Variants in ROBO1 observed in about 807,000 individuals in gnomAD.
ROBO1 encodes roundabout homolog 1.
A neutral mutation model predicts 195.9 loss-of-function variants in ROBO1; 149 were observed. That is an observed-to-expected ratio of 0.76 (90% confidence interval 0.67 to 0.87). ROBO1 has a LOEUF of 0.87. ROBO1 is among the 40% of genes least tolerant of loss of function. ROBO1 has a pLI of 0.00. For synonymous variants in ROBO1, 816 were observed against 733.2 expected (o/e 1.11, Z -1.82); for missense variants, 1,933 against 2,068.3 (o/e 0.93, Z 1.27).
intron 2 of ROBO1, among the ~76,000 whole-genome samples, chr3:79,329,141 A>T (rs2034333001): frequency 1.3e-5 from 2 of 152,182 alleles, no homozygotes; most frequent in Admixed American, 1.3e-4. Flanking sequence ...ATATTTTGTC[A>T]AAAGCTATTT....
At chr3:78,793,755 G>GTT in intron 4 of ROBO1, among the ~76,000 whole-genome samples, 2 of 146,924 alleles carry the variant, frequency 1.4e-5, no homozygotes, top group East Asian at 4.0e-4. Context: ...AAGATATTTA[G>GTT]TTTTTTTTTT....
chr3:78,863,913 G>C (rs1424736866), intron 4 of ROBO1, among the ~76,000 whole-genome samples: 1 of 152,140 alleles, frequency 6.6e-6, no homozygotes, highest in Non-Finnish European at 1.5e-5. Context: ...CACTGATTCA[G>C]CTGAGAATAA....
chr3:78,890,787 G>A (rs545698594), intron 4 of ROBO1, among the ~76,000 whole-genome samples: 3 of 152,078 alleles, frequency 2.0e-5, no homozygotes, highest in African/African-American at 7.2e-5. Context: ...TTAGAGCTAG[G>A]ATCTCACTAT....
chr3:79,717,583 C>T (rs1436176361), intron 1 of ROBO1, among the ~76,000 whole-genome samples: 4 of 151,960 alleles, frequency 2.6e-5, no homozygotes, highest in Admixed American at 1.3e-4. Context: ...ACATCATTTT[C>T]CCCAAATGTT....
chr3:79,673,756 C>A (rs930567417), intron 1 of ROBO1, among the ~76,000 whole-genome samples: 2 of 151,940 alleles, frequency 1.3e-5, no homozygotes, highest in Admixed American at 6.6e-5. Flanking sequence ...GTTAACATAT[C>A]CTCATTTCTC....
intron 3 of ROBO1, among the ~76,000 whole-genome samples, chr3:78,958,021 C>T (rs1372380063): frequency 3.3e-5 from 5 of 152,012 alleles, no homozygotes; most frequent in East Asian, 1.9e-4. Context: ...TGACATAGAC[C>T]GAGATGCAGC....
chr3:78,673,582 A>ATATATT (rs1708214570), intron 10 of ROBO1, among the ~76,000 whole-genome samples: 1 of 64,128 alleles, frequency 1.6e-5, no homozygotes, highest in African/African-American at 4.7e-5. Context: ...ATATATATAT[A>ATATATT]TATATATATA....
chr3:79,525,251 A>G (rs1941378428), intron 2 of ROBO1, among the ~76,000 whole-genome samples: 1 of 150,576 alleles, frequency 6.6e-6, no homozygotes, highest in Admixed American at 6.6e-5. Context: ...ATTACACTAT[A>G]TGTATAATGT....
intron 2 of ROBO1, among the ~76,000 whole-genome samples, chr3:79,263,596 T>C (rs536283230): frequency 2.0e-5 from 3 of 152,132 alleles, no homozygotes; most frequent in African/African-American, 7.2e-5. Flanking sequence ...GTGAGCTGAT[T>C]ATGCAACTGC....
intron 3 of ROBO1, among the ~76,000 whole-genome samples, chr3:79,003,002 A>C (rs1032155268): frequency 6.6e-6 from 1 of 152,174 alleles, no homozygotes; most frequent in Non-Finnish European, 1.5e-5. Context: ...CTCCAAGTAA[A>C]GGAAGATCTA....
intron 2 of ROBO1, among the ~76,000 whole-genome samples, chr3:79,140,227 C>T (rs2080496521): frequency 6.6e-6 from 1 of 152,082 alleles, no homozygotes; most frequent in Non-Finnish European, 1.5e-5. Flanking sequence ...ATAAACACTG[C>T]TACTGGTTAC....
intron 2 of ROBO1, among the ~76,000 whole-genome samples, chr3:79,391,402 T>C (rs1002680437): frequency 2.0e-5 from 3 of 152,152 alleles, no homozygotes; most frequent in Admixed American, 6.6e-5. Context: ...TTTTAAAAAA[T>C]CAATGTTGAA....
chr3:79,542,023 G>C (rs984353485), intron 2 of ROBO1, among the ~76,000 whole-genome samples: 4 of 151,662 alleles, frequency 2.6e-5, no homozygotes, highest in African/African-American at 9.7e-5. Flanking sequence ...AGAATTACTA[G>C]GGACATTAAT....
chr3:79,710,155 T>A (rs1702214099), intron 1 of ROBO1, among the ~76,000 whole-genome samples: 2 of 151,960 alleles, frequency 1.3e-5, no homozygotes, highest in Admixed American at 1.3e-4. Flanking sequence ...GGAAAAGAGA[T>A]ATGGAAGATG....
intron 1 of ROBO1, among the ~76,000 whole-genome samples, chr3:79,733,312 C>T (rs1401633050): frequency 6.6e-6 from 1 of 152,150 alleles, no homozygotes; most frequent in Non-Finnish European, 1.5e-5. Context: ...CAAATATAAT[C>T]TTATTTCCAT....
At chr3:78,916,583 G>T (rs1358652058) in intron 4 of ROBO1, among the ~76,000 whole-genome samples, 3 of 150,308 alleles carry the variant, frequency 2.0e-5, no homozygotes, top group Non-Finnish European at 4.4e-5. Flanking sequence ...AGAAAAAAAT[G>T]GAATTAGTAA....
chr3:79,018,475 A>C (rs1425940755), intron 3 of ROBO1: 3 of 1,613,718 alleles, frequency 1.9e-6, no homozygotes, highest in African/African-American at 2.7e-5. Flanking sequence ...CCTCGGGTGG[A>C]TCCTGTATAC....
intron 2 of ROBO1, among the ~76,000 whole-genome samples, chr3:79,577,715 A>AG (rs1943532593): frequency 8.0e-6 from 1 of 125,102 alleles, no homozygotes; most frequent in South Asian, 2.5e-4. Flanking sequence ...GTCTTTACTA[A>AG]AAACACACAC....
At chr3:79,465,646 C>T (rs1454867200) in intron 2 of ROBO1, among the ~76,000 whole-genome samples, 1 of 152,046 alleles carries the variant, frequency 6.6e-6, no homozygotes, top group Non-Finnish European at 1.5e-5. Flanking sequence ...TTCACTGTGA[C>T]CCTGACTGCT....
Sources: allele counts gnomAD v4.1 joint callset (sites outside exome capture counted in the v4.1 genomes callset), GRCh38; gene constraint gnomAD v4.1.1; transcripts MANE v1.5; gene names NCBI Gene and HGNC (gene_info 2026-07-23, HGNC 2026-07-21).